The following BLOC1S3 variants were observed in gnomAD, a reference collection of about 807,000 sequenced individuals.
The protein encoded by BLOC1S3 is biogenesis of lysosome-related organelles complex 1 subunit 3.
A neutral mutation model predicts 9.1 loss-of-function variants in BLOC1S3; 7 were observed. That is an observed-to-expected ratio of 0.77 (90% confidence interval 0.44 to 1.45). BLOC1S3 has a LOEUF of 1.45. BLOC1S3 is among the 40% of genes most tolerant of loss of function. BLOC1S3 has a pLI of 0.01. For missense variants in BLOC1S3, 307 were observed against 315.2 expected (o/e 0.97, Z 0.20); for synonymous variants, 145 against 158.4 (o/e 0.92, Z 0.64).
At chr19:45,185,110 G>A (rs565114100), downstream of BLOC1S3, among the ~76,000 whole-genome samples, 9 of 152,116 alleles carry the variant, frequency 5.9e-5, no homozygotes, top group Non-Finnish European at 1.0e-4. Context: ...TAAGAAGGGA[G>A]GAGGAGATAG....
In BLOC1S3 at chr19:45,180,209, T is replaced by A; in HGVS notation, c.*304T>A. On this transcript the variant is annotated 3_prime_UTR_variant, in exon 2 of 2. Coordinates refer to ENST00000433642, the MANE Select transcript of BLOC1S3 (RefSeq NM_212550.5). ...CCTTTGTTACATAGTTGCTCCTTAA[T>A]CTGTTTCCACCCTGGGGGCTCACCA... is the stretch of plus-strand genomic sequence containing the variant. 6.9e-6 allele frequency: 2 copies of A among 290,358 alleles called. No homozygotes were observed. Among genetic ancestry groups the A allele is most frequent in the East Asian group, 6.0e-5 (1 of 16,640 alleles). 18.0% of individuals were successfully genotyped at this position (290,358 alleles called of 1,614,324 possible).
chr19:45,194,820 T>G (rs908685759), intron 2 of BLOC1S3, among the ~76,000 whole-genome samples: 7 of 152,110 alleles, frequency 4.6e-5, no homozygotes, highest in African/African-American at 1.7e-4. Flanking sequence ...GGGTAATGAC[T>G]GCATGAAGGG....
At chr19:45,193,160 A>G (rs1001048101) in intron 2 of BLOC1S3, among the ~76,000 whole-genome samples, 119 of 142,432 alleles carry the variant, frequency 8.4e-4, no homozygotes, top group African/African-American at 2.9e-3. Flanking sequence ...AAAAAAAAAA[A>G]GAGACTATTT....
chr19:45,179,869 G>T lies in BLOC1S3; in HGVS notation c.573G>T (p.Gly191=). Residue 191 remains glycine, a synonymous_variant, in exon 2 of 2, where the codon GGG becomes GGT. Coordinates refer to ENST00000433642, the MANE Select transcript of BLOC1S3 (RefSeq NM_212550.5). The surrounding 1 kb of genome is among the most constrained non-coding windows in gnomAD (Gnocchi z 4.6). ...RLLPDIRGVP[G]TEPEKDPGPR... ...TGCCGGACATCCGCGGCGTGCCAGG[G>T]ACCGAGCCTGAGAAAGACCCGGGGC... is the stretch of plus-strand genomic sequence containing the variant. The T allele has an allele frequency of 2.5e-6, 4 of 1,609,262 alleles. No individual in the cohort carries two copies. Among genetic ancestry groups the T allele is most frequent in the Non-Finnish European group, 3.4e-6 (4 of 1,178,350 alleles).
downstream of BLOC1S3, among the ~76,000 whole-genome samples, chr19:45,186,321 C>T (rs886248454): frequency 6.6e-6 from 1 of 152,044 alleles, no homozygotes; most frequent in East Asian, 1.9e-4. Flanking sequence ...AAAGCCAAAT[C>T]GTATATTATT....
At chr19:45,183,203 T>C (rs1186126809), downstream of BLOC1S3, among the ~76,000 whole-genome samples, 1 of 152,002 alleles carries the variant, frequency 6.6e-6, no homozygotes, top group Non-Finnish European at 1.5e-5. Context: ...TTATTGGCTG[T>C]GCGCAGTGGC....
At chr19:45,191,013 G>A (rs998692916) in intron 2 of BLOC1S3, among the ~76,000 whole-genome samples, 24 of 150,156 alleles carry the variant, frequency 1.6e-4, no homozygotes, top group African/African-American at 5.6e-4. Flanking sequence ...CACCATGTTA[G>A]TCAGGATGGT....
intron 3 of BLOC1S3, among the ~76,000 whole-genome samples, chr19:45,211,995 C>T (rs1476448748): frequency 6.6e-6 from 1 of 152,100 alleles, no homozygotes; most frequent in Non-Finnish European, 1.5e-5. Context: ...TGCGTCAACC[C>T]AGGAGGGCGC....
chr19:45,183,148 A>G (rs1340965691), downstream of BLOC1S3, among the ~76,000 whole-genome samples: 1 of 152,104 alleles, frequency 6.6e-6, no homozygotes, highest in Admixed American at 6.6e-5. Flanking sequence ...TGCTGAGTGC[A>G]GTACCAGAAG....
rs1446880768 is a variant in BLOC1S3 at position 45,179,643 on chromosome 19, G to A, written c.347G>A (p.Ser116Asn). ...CTCCTGCAACTTCGGCTGGCGGAGA[G>A]CCAGGCGCGGCTGGACCACGACGTG... ...RSLLQLRLAE[S>N]QARLDHDVAA... is the part of the protein sequence containing the mutation. Residue 116 changes from serine (S) to asparagine (N), a missense_variant, in exon 2 of 2, where the codon AGC (serine) becomes AAC (asparagine). By Grantham distance (46) the Ser-to-Asn change is conservative. Transcript: ENST00000433642. The surrounding 1 kb of genome is among the most constrained non-coding windows in gnomAD (Gnocchi z 4.6). 1.4e-6 allele frequency: 2 copies of A among 1,471,606 alleles called. No homozygotes were observed. The highest frequency in any genetic ancestry group is 2.9e-5 in the East Asian group (1 of 34,220). The allele number at this position is 1,471,606 out of a possible 1,614,324, so 91.2% of individuals were successfully genotyped here. A position where few individuals can be genotyped will look rare whatever the true frequency, so the allele number is the denominator to read the frequency against.
At chr19:45,190,130 C>T (rs1344302760) in intron 2 of BLOC1S3, among the ~76,000 whole-genome samples, 1 of 151,716 alleles carries the variant, frequency 6.6e-6, no homozygotes, top group East Asian at 1.9e-4. Flanking sequence ...GGATTACAGG[C>T]ATCAGTCACC....
At chr19:45,184,179 C>A (rs1969548942), downstream of BLOC1S3, among the ~76,000 whole-genome samples, 1 of 152,134 alleles carries the variant, frequency 6.6e-6, no homozygotes. Flanking sequence ...GTCTTGAACT[C>A]CTGGCCTCAA....
chr19:45,197,531 AAAG>A (rs1249962291), intron 2 of BLOC1S3, among the ~76,000 whole-genome samples: 3 of 151,150 alleles, frequency 2.0e-5, no homozygotes, highest in South Asian at 2.1e-4. Context: ...AAAGAATAAA[AAAG>A]AAGATTTAGA....
At chr19:45,195,745 C>T (rs971095545) in intron 2 of BLOC1S3, among the ~76,000 whole-genome samples, 7 of 152,222 alleles carry the variant, frequency 4.6e-5, no homozygotes, top group African/African-American at 1.7e-4. Flanking sequence ...TAGGTGTGCA[C>T]CACCACGCTT....
At chr19:45,195,087 G>A (rs1015735742) in intron 2 of BLOC1S3, among the ~76,000 whole-genome samples, 6 of 151,906 alleles carry the variant, frequency 3.9e-5, no homozygotes, top group African/African-American at 9.7e-5. Context: ...GCGCCAGCAC[G>A]TAGTAGAGAT....
In BLOC1S3 at chr19:45,205,000, C is replaced by T. The variant is rs188444027; in HGVS notation, n.282+2493C>T. Among the ~76,000 whole-genome samples, 27 of 152,126 alleles carry T rather than the reference C, an allele frequency of 1.8e-4. No individual in the cohort carries two copies. The East Asian group carries it at 5.2e-3, about 29-fold the overall frequency. ...CCCCCCACCTTGGCCTCCCAAAGTG[C>T]TAGGATTACATGTGTGAGCTGCCAT... is the stretch of plus-strand genomic sequence containing the variant. On this transcript the variant is annotated intron_variant and non_coding_transcript_variant, in intron 3 of 3. Transcript: ENST00000591569.
chr19:45,201,778 AG>A (rs578223908), intron 2 of BLOC1S3, among the ~76,000 whole-genome samples: 147 of 142,950 alleles, frequency 1.0e-3, no homozygotes, highest in Non-Finnish European at 1.7e-3. Flanking sequence ...CCTATGTTAT[AG>A]GGGGTACCCA....
chr19:45,207,897 C>T (rs1292181905), intron 3 of BLOC1S3, among the ~76,000 whole-genome samples: 1 of 151,954 alleles, frequency 6.6e-6, no homozygotes, highest in Non-Finnish European at 1.5e-5. Context: ...ATGTCAATGT[C>T]CTGTTTTGAT....
At chr19:45,206,128 A>G (rs1969723614) in intron 3 of BLOC1S3, among the ~76,000 whole-genome samples, 1 of 152,062 alleles carries the variant, frequency 6.6e-6, no homozygotes, top group South Asian at 2.1e-4. Flanking sequence ...CGGGTGGATC[A>G]CCTGAGGTCG....
Sources: allele counts gnomAD v4.1 joint callset (sites outside exome capture counted in the v4.1 genomes callset), GRCh38; gene constraint gnomAD v4.1.1; non-coding constraint Gnocchi (gnomAD v3.1); transcripts MANE v1.5; gene names NCBI Gene and HGNC (gene_info 2026-07-23, HGNC 2026-07-21).